Variants in ERBB4 observed in about 807,000 individuals in gnomAD.
ERBB4 encodes receptor tyrosine-protein kinase erbB-4.
A neutral mutation model predicts 158.0 loss-of-function variants in ERBB4; 42 were observed. That is an observed-to-expected ratio of 0.27 (90% CI 0.21 to 0.34). ERBB4 has a LOEUF of 0.34. ERBB4 is among the 10% of genes least tolerant of loss of function. ERBB4 has a pLI of 1.00. For missense variants in ERBB4, 1,333 were observed against 1,624.1 expected, an observed-to-expected ratio of 0.82 and a Z score of 3.08; for synonymous variants, 583 against 558.7, an observed-to-expected ratio of 1.04 and a Z score of -0.61.
chr2:211,983,766 T>C (rs1042424454), intron 2 of ERBB4, among the ~76,000 whole-genome samples: 1 of 152,144 alleles, frequency 6.6e-6, no homozygotes, highest in Admixed American at 6.6e-5. Context: ...AACAGCTTCA[T>C]TGACTTTCAA....
At chr2:212,426,326 C>T (rs763547058) in intron 1 of ERBB4, 1 of 459,266 alleles carries the variant, frequency 2.2e-6, no homozygotes, top group East Asian at 8.3e-5. Flanking sequence ...ATGATAAAAA[C>T]TGCAATTATG....
intron 1 of ERBB4, among the ~76,000 whole-genome samples, chr2:212,191,572 G>GTTATACA (rs1257755142): frequency 2.0e-4 from 6 of 30,040 alleles, no homozygotes; most frequent in Non-Finnish European, 4.3e-4. Context: ...TATAACACAT[G>GTTATACA]TGTTATGCCT....
At chr2:212,251,031 T>C (rs1042874691) in intron 1 of ERBB4, among the ~76,000 whole-genome samples, 7 of 151,976 alleles carry the variant, frequency 4.6e-5, no homozygotes, top group Non-Finnish European at 1.0e-4. Flanking sequence ...TATCAAATAG[T>C]CTAGGGCTGG....
chr2:212,398,967 G>A (rs764725004), intron 1 of ERBB4, among the ~76,000 whole-genome samples: 6 of 151,334 alleles, frequency 4.0e-5, no homozygotes, highest in Admixed American at 3.3e-4. Flanking sequence ...TTTTTGATAC[G>A]GAGTCTCGCT....
chr2:211,664,968 T>C (rs1272322494), intron 15 of ERBB4, among the ~76,000 whole-genome samples: 3 of 152,170 alleles, frequency 2.0e-5, no homozygotes, highest in Non-Finnish European at 4.4e-5. Context: ...CTTTAAAGAT[T>C]TGATAAACAC....
At chr2:212,050,567 T>C (rs1340901749) in intron 2 of ERBB4, among the ~76,000 whole-genome samples, 3 of 152,074 alleles carry the variant, frequency 2.0e-5, no homozygotes, top group African/African-American at 7.2e-5. Flanking sequence ...AAAAATAAAA[T>C]AAATATAATA....
At chr2:211,634,168 G>GA (rs1490816848) in intron 16 of ERBB4, among the ~76,000 whole-genome samples, 1 of 152,028 alleles carries the variant, frequency 6.6e-6, no homozygotes, top group Non-Finnish European at 1.5e-5. Context: ...TTAAATTCAA[G>GA]AAAAATGCAG....
At chr2:211,417,353 C>T (rs891718182) in intron 25 of ERBB4, among the ~76,000 whole-genome samples, 7 of 152,006 alleles carry the variant, frequency 4.6e-5, no homozygotes, top group African/African-American at 1.7e-4. Context: ...TGGCATGCAC[C>T]TGTGGTGCTA....
chr2:211,508,309 G>A (rs2065800471), intron 20 of ERBB4, among the ~76,000 whole-genome samples: 1 of 152,036 alleles, frequency 6.6e-6, no homozygotes, highest in African/African-American at 2.4e-5. Context: ...ATCAAAAAGT[G>A]GGCGAAGGAT....
rs186502268 is a variant in ERBB4 at position 211,517,920 on chromosome 2, A to G, written c.2487+43983T>C. On this transcript the variant is annotated intron_variant, in intron 20 of 27. Coordinates refer to ENST00000342788, the MANE Select transcript of ERBB4 (RefSeq NM_005235.3). ...TTTATAGTCAAGCCTCTCAAATCCT[A>G]TCTTCTCAAAATAGTTTTCCATGAG... Among the ~76,000 whole-genome samples, 551 of 152,162 alleles carry G rather than the reference A, an allele frequency of 3.6e-3. 2 individuals carry two copies. Among genetic ancestry groups the G allele is most frequent in the Non-Finnish European group, 5.6e-3 (381 of 68,004 alleles).
chr2:212,294,529 T>G (rs1049435885), intron 1 of ERBB4, among the ~76,000 whole-genome samples: 4 of 152,014 alleles, frequency 2.6e-5, no homozygotes, highest in Non-Finnish European at 5.9e-5. Context: ...AACCTGTAAA[T>G]TATAATTCTT....
intron 1 of ERBB4, among the ~76,000 whole-genome samples, chr2:212,524,728 TG>T (rs1692353444): frequency 6.6e-6 from 1 of 152,030 alleles, no homozygotes; most frequent in African/African-American, 2.4e-5. Flanking sequence ...GTCTATGCTG[TG>T]ATACACTTAT....
intron 19 of ERBB4, among the ~76,000 whole-genome samples, chr2:211,594,203 G>T (rs1011006510): frequency 6.6e-6 from 1 of 152,150 alleles, no homozygotes; most frequent in Non-Finnish European, 1.5e-5. Context: ...TTGGGAGACC[G>T]AGGAGGGCTG....
rs113212837 is a variant in ERBB4 at position 212,314,769 on chromosome 2, A to T, written c.83-189866T>A. ...ATTGTGATCTCCATCCAGGTCCTTT[A>T]ATCCAGAAAGAGCCTTTCTCTTTCA... On this transcript the variant is annotated intron_variant, in intron 1 of 27. Coordinates refer to ENST00000342788, the MANE Select transcript of ERBB4 (RefSeq NM_005235.3). Among the ~76,000 whole-genome samples, 789 of 151,312 alleles carry T rather than the reference A, an allele frequency of 5.2e-3. 4 individuals carry two copies. The highest frequency in any genetic ancestry group is 0.017 in the Middle Eastern group (5 of 294).
intron 1 of ERBB4, among the ~76,000 whole-genome samples, chr2:212,242,561 C>T (rs1003620276): frequency 1.3e-5 from 2 of 151,866 alleles, no homozygotes; most frequent in Non-Finnish European, 2.9e-5. Context: ...GAAAATGTAG[C>T]TTAATATTAA....
intron 20 of ERBB4, among the ~76,000 whole-genome samples, chr2:211,508,563 T>C (rs575260367): frequency 6.6e-6 from 1 of 152,276 alleles, no homozygotes; most frequent in Non-Finnish European, 1.5e-5. Flanking sequence ...TGGAAGACAG[T>C]GTGGCGATTC....
At chr2:212,513,375 G>A (rs901694687) in intron 1 of ERBB4, among the ~76,000 whole-genome samples, 1 of 152,104 alleles carries the variant, frequency 6.6e-6, no homozygotes, top group Non-Finnish European at 1.5e-5. Context: ...GAAAAATACA[G>A]TAACATTTCA....
At chr2:211,961,052 T>G (rs2125174080) in intron 2 of ERBB4, among the ~76,000 whole-genome samples, 1 of 152,216 alleles carries the variant, frequency 6.6e-6, no homozygotes, top group South Asian at 2.1e-4. Flanking sequence ...AACCTAAAAC[T>G]TCCCTAAAAA....
At position 211,917,075 on chromosome 2, in the gene ERBB4, G is replaced by A. The variant is rs1160828629; in HGVS notation, c.421+30355C>T. Reference sequence around the variant, plus strand: ...GAGGCAAGGTGGCCACGGCTGATGTGAGGATTTTAAAGCCAAGATCCTCTG... The same window carrying A: ...GAGGCAAGGTGGCCACGGCTGATGTAAGGATTTTAAAGCCAAGATCCTCTG... On this transcript the variant is annotated intron_variant, in intron 3 of 27. Transcript: ENST00000342788. Among the ~76,000 whole-genome samples, 3 of 152,142 alleles carry A rather than the reference G, an allele frequency of 2.0e-5. No homozygotes were observed. In the East Asian group the frequency reaches 5.8e-4, roughly 29 times the overall value.
Sources: allele counts gnomAD v4.1 joint callset (sites outside exome capture counted in the v4.1 genomes callset), GRCh38; gene constraint gnomAD v4.1.1; transcripts MANE v1.5; gene names NCBI Gene and HGNC (gene_info 2026-07-23, HGNC 2026-07-21).